The following WASF3 variants were observed in gnomAD, a reference collection of about 807,000 sequenced individuals.
WASF3 encodes the protein WASP family member 3, also known as actin-binding protein WASF3.
In WASF3, 11 loss-of-function variants were observed where a neutral mutation model predicts 46.6. That is an observed-to-expected ratio of 0.24 (90% CI 0.15 to 0.39). WASF3 has a LOEUF of 0.39. WASF3 is among the 10% of genes least tolerant of loss of function. The pLI is 1.00. For synonymous variants in WASF3, 242 were observed against 259.7 expected (o/e 0.93, Z 0.65); for missense variants, 576 against 669.8 (o/e 0.86, Z 1.55).
At chr13:26,642,100 T>TA (rs1882016134) in intron 2 of WASF3, 161 bp from the exon 3 acceptor site, 1 of 640,546 alleles carries the variant, frequency 1.6e-6, no homozygotes, top group South Asian at 2.5e-5. Context: ...TAAAACTCAC[T>TA]AAAGTAATTC....
intron 1 of WASF3, among the ~76,000 whole-genome samples, chr13:26,566,042 G>A (rs1250477288): frequency 6.6e-6 from 1 of 152,174 alleles, no homozygotes; most frequent in East Asian, 1.9e-4. Flanking sequence ...TATAATTATG[G>A]TTACTTTTTC....
At chr13:26,630,439 T>C (rs1339562467) in intron 2 of WASF3, among the ~76,000 whole-genome samples, 1 of 152,120 alleles carries the variant, frequency 6.6e-6, no homozygotes, top group East Asian at 1.9e-4. Context: ...GATAGTTTGC[T>C]GAGAAGGATG....
chr13:26,568,272 G>A (rs769192581), intron 1 of WASF3, among the ~76,000 whole-genome samples: 1 of 152,148 alleles, frequency 6.6e-6, no homozygotes, highest in African/African-American at 2.4e-5. Context: ...TAGAAGGTGG[G>A]TGTCTGTGTG....
At chr13:26,593,683 T>C (rs549848770) in intron 1 of WASF3, among the ~76,000 whole-genome samples, 2 of 152,354 alleles carry the variant, frequency 1.3e-5, no homozygotes, top group East Asian at 1.9e-4. Flanking sequence ...TGTCTGCCTT[T>C]TACTGCATTT....
At chr13:26,598,259 GTCT>G (rs1218692496) in intron 1 of WASF3, among the ~76,000 whole-genome samples, 3 of 152,176 alleles carry the variant, frequency 2.0e-5, no homozygotes, top group African/African-American at 7.2e-5. Flanking sequence ...CTGCATAAAT[GTCT>G]TCTTTTGAGA....
chr13:26,651,386 TAAAAG>T (rs1340693506), intron 3 of WASF3, among the ~76,000 whole-genome samples: 9 of 151,888 alleles, frequency 5.9e-5, no homozygotes, highest in Non-Finnish European at 8.8e-5. Flanking sequence ...GAGAAAATCT[TAAAAG>T]AAGAAAGAGG....
At chr13:26,578,936 AGTT>A (rs1879884401) in intron 1 of WASF3, among the ~76,000 whole-genome samples, 1 of 143,214 alleles carries the variant, frequency 7.0e-6, no homozygotes, top group African/African-American at 2.6e-5. Context: ...TTATGATAGT[AGTT>A]ATTATATTGA....
chr13:26,688,267 C>T lies in WASF3; in HGVS notation c.*2422C>T, dbSNP rs1378438509. ...AGATTTGAATTTTCAGTTTCATTTT[C>T]AAAAACTATTTACCAAAACAAATGG... On this transcript the variant is annotated 3_prime_UTR_variant, in exon 10 of 10. Transcript: ENST00000335327. 6.6e-6 allele frequency: 1 copy of T among 152,172 alleles called. No homozygotes were observed. Among genetic ancestry groups the T allele is most frequent in the Admixed American group, 6.5e-5 (1 of 15,280 alleles). The allele number at this position is 152,172 out of a possible 1,614,324, so 9.4% of individuals were successfully genotyped here.
chr13:26,560,591 A>G (rs1282005036), intron 1 of WASF3, among the ~76,000 whole-genome samples: 1 of 152,222 alleles, frequency 6.6e-6, no homozygotes, highest in Non-Finnish European at 1.5e-5. Context: ...AGACGCTTTC[A>G]AGATGTTCAT....
chr13:26,665,278 C>A, intron 4 of WASF3, 116 bp downstream of exon 4: 2 of 1,292,394 alleles, frequency 1.5e-6, no homozygotes, highest in Non-Finnish European at 2.1e-6. Context: ...TTCATCTTGT[C>A]TTTCCTAGAA....
At chr13:26,683,018 G>T (rs1883290127) in intron 9 of WASF3, 44 bp downstream of exon 9, 1 of 1,565,814 alleles carries the variant, frequency 6.4e-7, no homozygotes, top group Non-Finnish European at 8.6e-7. Context: ...TCAGCAAGAG[G>T]TTTCTTCATG....
intron 2 of WASF3, among the ~76,000 whole-genome samples, chr13:26,627,892 A>C (rs1051010164): frequency 4.2e-5 from 6 of 143,336 alleles, no homozygotes; most frequent in Non-Finnish European, 9.4e-5. Flanking sequence ...ATAATAATAA[A>C]GAAAAAAAAA....
At chr13:26,590,165 T>C (rs1880248060) in intron 1 of WASF3, among the ~76,000 whole-genome samples, 1 of 152,170 alleles carries the variant, frequency 6.6e-6, no homozygotes, top group Non-Finnish European at 1.5e-5. Flanking sequence ...CCTGGATGCT[T>C]TCATTTCCCA....
At chr13:26,558,330 C>T (rs1879169574) in intron 1 of WASF3, among the ~76,000 whole-genome samples, 1 of 152,196 alleles carries the variant, frequency 6.6e-6, no homozygotes, top group African/African-American at 2.4e-5. Flanking sequence ...GGCCTGTGCC[C>T]TCTTGGTGCC....
At chr13:26,659,195 A>G (rs1391574057) in intron 3 of WASF3, among the ~76,000 whole-genome samples, 1 of 152,204 alleles carries the variant, frequency 6.6e-6, no homozygotes, top group Non-Finnish European at 1.5e-5. Context: ...AGAAGGTGAC[A>G]TTTGGGTGTA....
At chr13:26,560,274 T>C (rs1357945244) in intron 1 of WASF3, among the ~76,000 whole-genome samples, 1 of 152,202 alleles carries the variant, frequency 6.6e-6, no homozygotes, top group Admixed American at 6.5e-5. Flanking sequence ...GGCTTGACTT[T>C]ATGCTGGTAA....
At chr13:26,681,931 C>T (rs770438649) in intron 8 of WASF3, among the ~76,000 whole-genome samples, 3 of 152,122 alleles carry the variant, frequency 2.0e-5, no homozygotes, top group Non-Finnish European at 4.4e-5. Context: ...GGAAAATTAC[C>T]GTGTGTTGGT....
chr13:26,608,853 A>G (rs1224876985), intron 1 of WASF3, among the ~76,000 whole-genome samples: 2 of 152,204 alleles, frequency 1.3e-5, no homozygotes, highest in South Asian at 2.1e-4. Context: ...TTACATTTCT[A>G]TAGTGTCTTG....
At chr13:26,592,508 C>T (rs927336140) in intron 1 of WASF3, among the ~76,000 whole-genome samples, 7 of 152,102 alleles carry the variant, frequency 4.6e-5, no homozygotes, top group African/African-American at 7.2e-5. Context: ...GGTTTACCTG[C>T]GAGTTCTTTG....
Sources: allele counts gnomAD v4.1 joint callset (sites outside exome capture counted in the v4.1 genomes callset), GRCh38; gene constraint gnomAD v4.1.1; transcripts MANE v1.5; gene names NCBI Gene and HGNC (gene_info 2026-07-23, HGNC 2026-07-21).